The following SLC2A12 variants were observed in gnomAD, a reference collection of about 807,000 sequenced individuals.
SLC2A12 encodes solute carrier family 2 member 12.
In SLC2A12, 23 loss-of-function variants were observed where a neutral mutation model predicts 41.8. That is an observed-to-expected ratio of 0.55 (90% CI 0.40 to 0.78). The LOEUF (loss-of-function observed/expected upper bound fraction) is 0.78, where lower values mean the gene tolerates loss of function less well. Among genes scored for constraint, SLC2A12 ranks in the 30% least tolerant of loss-of-function variants. The pLI is 0.00. For synonymous variants in SLC2A12, 295 were observed against 285.9 expected (o/e 1.03, Z -0.32); for missense variants, 654 against 745.6 (o/e 0.88, Z 1.43).
At position 134,028,336 on chromosome 6, in the gene SLC2A12, G is replaced by C. The variant is rs112207263; in HGVS notation, c.1444+45C>G. 3.2e-6 allele frequency: 5 copies of C among 1,547,366 alleles called. No individual in the cohort carries two copies. The Admixed American group carries it at 9.7e-5, about 30-fold the overall frequency. ...TCATGAGGTACTATAGCAGTAGGAT[G>C]CTCTGACTGGTCAAAAGCAATACAT... On this transcript the variant is annotated intron_variant, in intron 2 of 4. Coordinates refer to ENST00000275230, the MANE Select transcript of SLC2A12 (RefSeq NM_145176.3).
intron 2 of SLC2A12, among the ~76,000 whole-genome samples, chr6:134,011,380 G>A (rs576679388): frequency 6.6e-6 from 1 of 152,156 alleles, no homozygotes; most frequent in East Asian, 1.9e-4. Flanking sequence ...CTAGCACTTT[G>A]GGAGGTCGAG....
At chr6:133,995,994 C>G (rs554148719) in intron 4 of SLC2A12, among the ~76,000 whole-genome samples, 1 of 152,328 alleles carries the variant, frequency 6.6e-6, no homozygotes, top group East Asian at 1.9e-4. Context: ...AATGTTACCT[C>G]TCAGAATAGC....
In SLC2A12 at chr6:134,029,626, G is replaced by C. The variant is rs770341358; in HGVS notation, c.199C>G (p.Gln67Glu). ...ELGIISGALL[Q>E]IKTLLALSCH... The stretch of plus-strand genomic sequence containing the variant: ...CTCAGGGCTAATAAGGTTTTGATCT[G>C]AAGAAGAGCCCCAGAGATGATCCCA... The change falls in exon 2 of 5, where the codon CAG (glutamine) becomes GAG (glutamate). Residue 67 changes from glutamine (Q) to glutamate (E), a missense_variant. Transcript: ENST00000275230. The C allele has an allele frequency of 6.3e-5, 102 of 1,613,746 alleles. No individual in the cohort carries two copies. The highest frequency in any genetic ancestry group is 1.5e-4 in the Admixed American group (9 of 59,984).
chr6:134,042,547 G>GAAAA (rs563614759), intron 1 of SLC2A12, among the ~76,000 whole-genome samples: 1 of 135,326 alleles, frequency 7.4e-6, no homozygotes, highest in African/African-American at 2.6e-5. Context: ...CCCAGAAATA[G>GAAAA]AAAAAAAAAA....
chr6:134,033,996 G>A (rs1777258989), intron 1 of SLC2A12, among the ~76,000 whole-genome samples: 1 of 152,038 alleles, frequency 6.6e-6, no homozygotes, highest in Admixed American at 6.6e-5. Context: ...ACTGACAAAT[G>A]GGAATATGTG....
chr6:134,016,094 T>C (rs868290518), intron 2 of SLC2A12, among the ~76,000 whole-genome samples: 1 of 152,130 alleles, frequency 6.6e-6, no homozygotes. Context: ...CATTTCTTCA[T>C]GTCTTATGGG....
intron 2 of SLC2A12, among the ~76,000 whole-genome samples, chr6:134,027,462 G>A (rs969197752): frequency 6.6e-6 from 1 of 152,086 alleles, no homozygotes; most frequent in African/African-American, 2.4e-5. Context: ...TGATAGAGAG[G>A]GAGAGACTTA....
intron 4 of SLC2A12, among the ~76,000 whole-genome samples, chr6:134,001,507 T>C (rs1011665628): frequency 6.6e-6 from 1 of 152,196 alleles, no homozygotes; most frequent in Non-Finnish European, 1.5e-5. Flanking sequence ...GAAAATATGG[T>C]TTAATGCTTT....
intron 2 of SLC2A12, among the ~76,000 whole-genome samples, chr6:134,021,063 A>G (rs1057226783): frequency 1.3e-5 from 2 of 152,246 alleles, no homozygotes; most frequent in African/African-American, 4.8e-5. Flanking sequence ...AATCTCCTGC[A>G]TCTTTTCTTA....
chr6:133,998,697 T>C (rs1017799383), intron 4 of SLC2A12, among the ~76,000 whole-genome samples: 1 of 152,166 alleles, frequency 6.6e-6, no homozygotes, highest in South Asian at 2.1e-4. Context: ...CAAGCCACCA[T>C]GCCCAGCTAA....
intron 2 of SLC2A12, among the ~76,000 whole-genome samples, chr6:134,020,861 A>G (rs1777030873): frequency 1.3e-5 from 2 of 152,030 alleles, no homozygotes; most frequent in South Asian, 2.1e-4. Context: ...AGATTCTCCA[A>G]CTCGTTGGCA....
intron 2 of SLC2A12, among the ~76,000 whole-genome samples, chr6:134,008,018 G>A (rs1045282882): frequency 1.3e-5 from 2 of 152,208 alleles, no homozygotes; most frequent in Admixed American, 6.5e-5. Context: ...CTTTGATTCA[G>A]TGGAAAGAAG....
chr6:134,011,604 C>A (rs868507742), intron 2 of SLC2A12, among the ~76,000 whole-genome samples: 1 of 152,030 alleles, frequency 6.6e-6, no homozygotes, highest in South Asian at 2.1e-4. Flanking sequence ...ATTGAAATTT[C>A]TTTTTATTTA....
intron 2 of SLC2A12, among the ~76,000 whole-genome samples, chr6:134,019,076 G>A (rs776918584): frequency 2.0e-5 from 3 of 152,152 alleles, no homozygotes; most frequent in East Asian, 3.8e-4. Flanking sequence ...ACCTAACTTC[G>A]TATGTGACCT....
In SLC2A12 at chr6:133,991,133, C is replaced by T. The variant is rs17063242; in HGVS notation, c.*22G>A. Reference sequence around the variant, plus strand: ...CTCCTAAGTGTTCTGGCACTATCCACGTTCAGAAGGTGTTGAGGCCATTAG... The same window carrying T: ...CTCCTAAGTGTTCTGGCACTATCCATGTTCAGAAGGTGTTGAGGCCATTAG... On this transcript the variant is annotated 3_prime_UTR_variant, in exon 5 of 5. Coordinates refer to ENST00000275230, the MANE Select transcript of SLC2A12 (RefSeq NM_145176.3). 10 of 1,600,918 alleles carry T rather than the reference C, an allele frequency of 6.2e-6. No homozygotes were observed. The highest frequency in any genetic ancestry group is 3.4e-4 in the Middle Eastern group (2 of 5,960).
intron 1 of SLC2A12, 21 bp from the exon 2 acceptor site, chr6:134,029,742 C>CA: frequency 1.9e-6 from 3 of 1,576,304 alleles, no homozygotes; most frequent in Non-Finnish European, 2.6e-6. Flanking sequence ...AGAGAAGAGA[C>CA]AGGGAGGTCA....
chr6:134,028,961 A>C lies in SLC2A12; in HGVS notation c.864T>G (p.Phe288Leu). The stretch of plus-strand genomic sequence containing the variant: ...TGTTTGGTTGGCCAGTGATTTGTAC[A>C]AAAAATACTAGTGTTAGTCCTATCA... ...RIMIGLTLVF[F>L]VQITGQPNIL... Residue 288 changes from phenylalanine to leucine, a missense_variant, in exon 2 of 5, where the codon TTT becomes TTG. Phe to Leu is a conservative substitution (Grantham distance 22). Coordinates refer to ENST00000275230, the MANE Select transcript of SLC2A12 (RefSeq NM_145176.3). 6.2e-7 allele frequency: 1 copy of C among 1,614,250 alleles called. No individual in the cohort carries two copies. Among genetic ancestry groups the C allele is most frequent in the Non-Finnish European group, 8.5e-7 (1 of 1,180,048 alleles).
intron 3 of SLC2A12, among the ~76,000 whole-genome samples, chr6:134,004,507 C>T (rs1776787453): frequency 6.6e-6 from 1 of 152,026 alleles, no homozygotes; most frequent in African/African-American, 2.4e-5. Flanking sequence ...CAGCAAACAT[C>T]CATTTTTGAA....
intron 2 of SLC2A12, among the ~76,000 whole-genome samples, chr6:134,026,867 G>A (rs17063295): frequency 1.0e-3 from 155 of 152,320 alleles, no homozygotes; most frequent in African/African-American, 3.5e-3. Context: ...AAAGAGCAGC[G>A]TCAATCAGAT....
Sources: gnomAD v4.1 joint callset for allele counts (sites outside exome capture counted in the v4.1 genomes callset) on GRCh38, gnomAD v4.1.1 for gene constraint, MANE v1.5 for transcripts, NCBI Gene and HGNC (gene_info 2026-07-23, HGNC 2026-07-21) for gene names.